COMMD10: variants seen among roughly 807,000 people sequenced by gnomAD.
COMMD10 encodes the protein COMM domain containing 10.
Under a neutral mutation model 28.9 loss-of-function variants are expected in COMMD10, and 33 were observed. That is an observed-to-expected ratio of 1.14 (90% CI 0.87 to 1.53). The LOEUF (loss-of-function observed/expected upper bound fraction) is 1.53, where lower values mean the gene tolerates loss of function less well. COMMD10 is among the 40% of genes most tolerant of loss of function. The probability of loss-of-function intolerance (pLI) is 0.00; values close to 1 mark genes in which losing one functional copy is unlikely to be tolerated. For synonymous variants in COMMD10, 110 were observed against 81.7 expected (o/e 1.35, Z -1.87); for missense variants, 310 against 233.4 (o/e 1.33, Z -2.14).
chr5:116,117,337 A>T (rs757584604), intron 4 of COMMD10, among the ~76,000 whole-genome samples: 2 of 152,118 alleles, frequency 1.3e-5, no homozygotes, highest in Non-Finnish European at 2.9e-5. Flanking sequence ...GAGACTTCCT[A>T]TTTAAGTTTT....
intron 5 of COMMD10, among the ~76,000 whole-genome samples, chr5:116,249,506 T>C (rs1750050197): frequency 6.6e-6 from 1 of 151,940 alleles, no homozygotes; most frequent in Non-Finnish European, 1.5e-5. Flanking sequence ...TACTAAAGTA[T>C]TAATAAAGTA....
chr5:116,180,996 T>G (rs1315563300), intron 5 of COMMD10, among the ~76,000 whole-genome samples: 1 of 151,986 alleles, frequency 6.6e-6, no homozygotes, highest in Non-Finnish European at 1.5e-5. Flanking sequence ...CTACAAAAAT[T>G]ACCTGGGCAT....
chr5:116,218,440 A>G (rs887227113), intron 5 of COMMD10: 2 of 364,054 alleles, frequency 5.5e-6, no homozygotes, highest in African/African-American at 4.2e-5. Flanking sequence ...CTTTATAAAT[A>G]TTGACTATTG....
intron 5 of COMMD10, among the ~76,000 whole-genome samples, chr5:116,179,303 T>C (rs1285493521): frequency 1.3e-5 from 2 of 152,158 alleles, no homozygotes; most frequent in Non-Finnish European, 2.9e-5. Flanking sequence ...TAATCTAATA[T>C]CTCATTTTAT....
chr5:116,281,964 G>A (rs755623591), intron 5 of COMMD10, among the ~76,000 whole-genome samples: 1 of 151,740 alleles, frequency 6.6e-6, no homozygotes, highest in African/African-American at 2.4e-5. Flanking sequence ...GCAATTTCAT[G>A]TACTTTCATG....
At chr5:116,257,441 A>G (rs932111171) in intron 5 of COMMD10, among the ~76,000 whole-genome samples, 9 of 151,764 alleles carry the variant, frequency 5.9e-5, no homozygotes, top group African/African-American at 2.2e-4. Flanking sequence ...CACGATAAAG[A>G]AATATTTAAT....
At chr5:116,193,274 G>A (rs940238919) in intron 5 of COMMD10, among the ~76,000 whole-genome samples, 2 of 151,982 alleles carry the variant, frequency 1.3e-5, no homozygotes, top group African/African-American at 4.8e-5. Context: ...AACAAAGTAC[G>A]CAGGCAACAA....
At chr5:116,248,568 T>G (rs1750023841) in intron 5 of COMMD10, among the ~76,000 whole-genome samples, 1 of 151,950 alleles carries the variant, frequency 6.6e-6, no homozygotes, top group Admixed American at 6.6e-5. Context: ...AATTTGGTTT[T>G]GTTTTGTTTT....
At chr5:116,282,469 T>G (rs1254453922) in intron 5 of COMMD10, among the ~76,000 whole-genome samples, 1 of 151,934 alleles carries the variant, frequency 6.6e-6, no homozygotes, top group Non-Finnish European at 1.5e-5. Context: ...CTCTTATATC[T>G]AAAACTCTAT....
chr5:116,164,980 A>G (rs1192750942), intron 5 of COMMD10, among the ~76,000 whole-genome samples: 2 of 152,222 alleles, frequency 1.3e-5, no homozygotes, highest in African/African-American at 2.4e-5. Flanking sequence ...TGGCCAAGAC[A>G]TGAAAAGTCA....
At chr5:116,239,942 C>T (rs1178634878) in intron 5 of COMMD10, among the ~76,000 whole-genome samples, 1 of 152,056 alleles carries the variant, frequency 6.6e-6, no homozygotes, top group Non-Finnish European at 1.5e-5. Flanking sequence ...TTTTCACTCC[C>T]CCCCAAGGAG....
At chr5:116,239,773 G>C (rs1016578285) in intron 5 of COMMD10, among the ~76,000 whole-genome samples, 14 of 152,080 alleles carry the variant, frequency 9.2e-5, no homozygotes, top group Non-Finnish European at 1.6e-4. Flanking sequence ...ATAAGAGCAG[G>C]GTGCTACATT....
At chr5:116,206,685 A>G (rs933299747) in intron 5 of COMMD10, among the ~76,000 whole-genome samples, 1 of 152,010 alleles carries the variant, frequency 6.6e-6, no homozygotes, top group African/African-American at 2.4e-5. Context: ...AAAAAATTGG[A>G]GACAGCTGTT....
At chr5:116,178,245 A>G (rs914834049) in intron 5 of COMMD10, among the ~76,000 whole-genome samples, 16 of 152,080 alleles carry the variant, frequency 1.1e-4, no homozygotes, top group Non-Finnish European at 1.9e-4. Context: ...CATTAGTATT[A>G]TAAGATTGCT....
chr5:116,154,874 A>C (rs1752655893), intron 5 of COMMD10, among the ~76,000 whole-genome samples: 3 of 152,072 alleles, frequency 2.0e-5, no homozygotes, highest in African/African-American at 4.8e-5. Context: ...TAATAATCTC[A>C]GAGACAAGGC....
Position 116,118,011 on chromosome 5 carries a change from G to T in COMMD10, c.400-16057G>T, listed in dbSNP as rs567081474. Among the ~76,000 whole-genome samples the T allele has an allele frequency of 3.9e-5, 6 of 152,070 alleles. No individual in the cohort carries two copies. In the South Asian group the frequency reaches 1.3e-3, roughly 32 times the overall value. ...TGGAGTTCTTACAATTGTCTTTAAG[G>T]AACTACATGCCCTGTTGTCTCCTCA... On this transcript the variant is annotated intron_variant, in intron 4 of 6. Coordinates refer to ENST00000274458, the MANE Select transcript of COMMD10 (RefSeq NM_016144.4).
At chr5:116,285,203 T>C (rs1396044308) in intron 5 of COMMD10, among the ~76,000 whole-genome samples, 1 of 151,968 alleles carries the variant, frequency 6.6e-6, no homozygotes, top group Non-Finnish European at 1.5e-5. Context: ...ATCATACATG[T>C]AAATGTAAAA....
chr5:116,238,936 A>G (rs564261742), intron 5 of COMMD10, among the ~76,000 whole-genome samples: 242 of 152,230 alleles, frequency 1.6e-3, no homozygotes, highest in African/African-American at 5.6e-3. Flanking sequence ...AAACTTTTAC[A>G]TTTAGAGTTC....
chr5:116,148,870 T>C (rs1432367175), intron 5 of COMMD10, among the ~76,000 whole-genome samples: 2 of 151,384 alleles, frequency 1.3e-5, no homozygotes, highest in Admixed American at 6.6e-5. Context: ...ATACTTTAAG[T>C]TTTAAGTTTT....
Sources: allele counts gnomAD v4.1 joint callset (sites outside exome capture counted in the v4.1 genomes callset), GRCh38; gene constraint gnomAD v4.1.1; transcripts MANE v1.5; gene names NCBI Gene and HGNC (gene_info 2026-07-23, HGNC 2026-07-21).